The following ENTREP2 variants were observed in gnomAD, a reference collection of about 807,000 sequenced individuals.
ENTREP2 encodes endosomal transmembrane epsin interactor 2, also known as protein ENTREP2.
At chr15:29,234,583 A>G in the ENTREP2 span, 1 of 1,483,774 alleles carries the variant, frequency 6.7e-7, no homozygotes, top group Non-Finnish European at 9.4e-7. Flanking sequence ...TAATTAAAAT[A>G]TCATCTTCAC....
At chr15:29,273,707 C>G in the ENTREP2 span, among the ~76,000 whole-genome samples, 1 of 152,142 alleles carries the variant, frequency 6.6e-6, no homozygotes, top group Non-Finnish European at 1.5e-5. Context: ...TAAAAGCAGG[C>G]AGAAGAACGT....
the ENTREP2 span, among the ~76,000 whole-genome samples, chr15:29,416,051 C>T: frequency 5.5e-3 from 844 of 152,218 alleles, 10 homozygotes; most frequent in African/African-American, 0.018. Context: ...GAATCAGTAT[C>T]GTGAAAATGG....
chr15:29,209,023 T>A, the ENTREP2 span, among the ~76,000 whole-genome samples: 1 of 151,890 alleles, frequency 6.6e-6, no homozygotes, highest in East Asian at 1.9e-4. Context: ...ATGAGGAGTG[T>A]GGTATGAGTG....
At chr15:29,652,245 G>A in the ENTREP2 span, among the ~76,000 whole-genome samples, 7 of 152,122 alleles carry the variant, frequency 4.6e-5, no homozygotes, top group African/African-American at 1.4e-4. Context: ...GCAGAGAGGG[G>A]CCACCCACCC....
chr15:29,328,268 AG>A, the ENTREP2 span, among the ~76,000 whole-genome samples: 233 of 152,354 alleles, frequency 1.5e-3, 1 homozygote, highest in Non-Finnish European at 2.7e-3. Context: ...GTAAGAGTTC[AG>A]GGAGAGAGGG....
chr15:29,463,570 G>C, the ENTREP2 span, among the ~76,000 whole-genome samples: 1 of 152,030 alleles, frequency 6.6e-6, no homozygotes, highest in Non-Finnish European at 1.5e-5. Context: ...AAAATACCAA[G>C]GAACTATCAA....
the ENTREP2 span, among the ~76,000 whole-genome samples, chr15:29,365,763 T>C: frequency 6.6e-6 from 1 of 151,006 alleles, no homozygotes; most frequent in African/African-American, 2.4e-5. Flanking sequence ...CTGAATCTAA[T>C]AAAGGTGCTT....
the ENTREP2 span, among the ~76,000 whole-genome samples, chr15:29,172,675 C>G: frequency 6.6e-6 from 1 of 152,130 alleles, no homozygotes; most frequent in African/African-American, 2.4e-5. Context: ...AAGGGAAATG[C>G]CACGGATGTG....
At chr15:29,311,827 C>T in the ENTREP2 span, among the ~76,000 whole-genome samples, 1 of 152,310 alleles carries the variant, frequency 6.6e-6, no homozygotes, top group African/African-American at 2.4e-5. Flanking sequence ...CAGATAAAGT[C>T]ATGGAGGTTA....
chr15:29,571,517 G>A, the ENTREP2 span, among the ~76,000 whole-genome samples: 1 of 152,334 alleles, frequency 6.6e-6, no homozygotes, highest in East Asian at 1.9e-4. Flanking sequence ...AATCTCCCAA[G>A]CCATCCGCTG....
the ENTREP2 span, among the ~76,000 whole-genome samples, chr15:29,349,872 C>A: frequency 6.6e-6 from 1 of 151,824 alleles, no homozygotes; most frequent in Non-Finnish European, 1.5e-5. Flanking sequence ...TGCACTCCAG[C>A]GTGGGTGACA....
the ENTREP2 span, among the ~76,000 whole-genome samples, chr15:29,402,266 A>G: frequency 2.9e-5 from 3 of 104,918 alleles, no homozygotes; most frequent in East Asian, 6.3e-4. Context: ...ATATATATAT[A>G]CACACACATA....
At chr15:29,461,742 G>C in the ENTREP2 span, among the ~76,000 whole-genome samples, 2 of 152,002 alleles carry the variant, frequency 1.3e-5, no homozygotes, top group Non-Finnish European at 2.9e-5. Flanking sequence ...CATAGTGCTG[G>C]GATTACAGGC....
At chr15:29,315,323 G>C in the ENTREP2 span, among the ~76,000 whole-genome samples, 1 of 152,140 alleles carries the variant, frequency 6.6e-6, no homozygotes, top group African/African-American at 2.4e-5. Context: ...AGCCCTTCCA[G>C]ATATTAAAAT....
the ENTREP2 span, among the ~76,000 whole-genome samples, chr15:29,415,367 A>C: frequency 6.6e-6 from 1 of 152,210 alleles, no homozygotes; most frequent in Non-Finnish European, 1.5e-5. Flanking sequence ...CAATAAACGT[A>C]ATCCAGCATA....
At chr15:29,218,155 C>T in the ENTREP2 span, among the ~76,000 whole-genome samples, 4 of 152,186 alleles carry the variant, frequency 2.6e-5, no homozygotes, top group South Asian at 4.2e-4. Context: ...GAGGTGGCAG[C>T]GGGGTGCAAT....
At chr15:29,669,552 T>C in the ENTREP2 span, among the ~76,000 whole-genome samples, 1 of 152,184 alleles carries the variant, frequency 6.6e-6, no homozygotes, top group South Asian at 2.1e-4. Context: ...AATATTCTAT[T>C]ATATGCAACA....
At chr15:29,152,129 G>C in the ENTREP2 span, among the ~76,000 whole-genome samples, 19,137 of 152,172 alleles carry the variant, frequency 0.13, 2,020 homozygotes, top group African/African-American at 0.28. Context: ...GAAATCATAA[G>C]GTGGCCAACA....
chr15:29,174,053 A>G, the ENTREP2 span, among the ~76,000 whole-genome samples: 4 of 152,210 alleles, frequency 2.6e-5, no homozygotes, highest in Non-Finnish European at 5.9e-5. Context: ...TTTAAAGGAA[A>G]TATAACACAA....
Sources: allele counts gnomAD v4.1 joint callset (sites outside exome capture counted in the v4.1 genomes callset), GRCh38; gene constraint gnomAD v4.1.1; transcripts MANE v1.5; gene names NCBI Gene and HGNC (gene_info 2026-07-23, HGNC 2026-07-21).